The following STK32B variants were observed in gnomAD, a reference collection of about 807,000 sequenced individuals.
The protein encoded by STK32B is serine/threonine kinase 32B.
A neutral mutation model predicts 52.6 loss-of-function variants in STK32B; 43 were observed. The observed-to-expected ratio is 0.82, with a 90% CI of 0.64 to 1.05. The LOEUF (loss-of-function observed/expected upper bound fraction) is 1.05, where lower values mean the gene tolerates loss of function less well. Among genes scored for constraint, STK32B ranks in the 50% least tolerant of loss-of-function variants. The probability of loss-of-function intolerance (pLI) is 0.00; values close to 1 mark genes in which losing one functional copy is unlikely to be tolerated. For missense variants in STK32B, 621 were observed against 534.6 expected (o/e 1.16, Z -1.59); for synonymous variants, 238 against 204.3 (o/e 1.17, Z -1.41).
chr4:5,376,787 T>C (rs1014221380), intron 4 of STK32B, among the ~76,000 whole-genome samples: 3 of 152,154 alleles, frequency 2.0e-5, no homozygotes, highest in African/African-American at 7.2e-5. Context: ...TTAGAAATTC[T>C]ACAGTGGCTT....
intron 1 of STK32B, among the ~76,000 whole-genome samples, chr4:5,063,409 C>A (rs1391516949): frequency 6.6e-6 from 1 of 152,080 alleles, no homozygotes; most frequent in Non-Finnish European, 1.5e-5. Context: ...GTGGTGCGAT[C>A]TTGGCTCACT....
chr4:5,108,368 A>C (rs1348800648), intron 1 of STK32B, among the ~76,000 whole-genome samples: 3 of 151,938 alleles, frequency 2.0e-5, no homozygotes, highest in Non-Finnish European at 4.4e-5. Context: ...TTGGATATTC[A>C]TTTTGGAGGG....
intron 3 of STK32B, among the ~76,000 whole-genome samples, chr4:5,232,310 C>A (rs1189776475): frequency 6.6e-6 from 1 of 152,118 alleles, no homozygotes; most frequent in Non-Finnish European, 1.5e-5. Context: ...TAAATAAGAT[C>A]TAAGAGCATG....
At chr4:5,472,620 T>G (rs1717929253) in intron 11 of STK32B, among the ~76,000 whole-genome samples, 1 of 152,196 alleles carries the variant, frequency 6.6e-6, no homozygotes, top group Admixed American at 6.5e-5. Flanking sequence ...TTTTGCAGAA[T>G]AAGAAGCTCC....
intron 1 of STK32B, among the ~76,000 whole-genome samples, chr4:5,054,581 C>T (rs1467243955): frequency 6.6e-6 from 1 of 152,118 alleles, no homozygotes; most frequent in Non-Finnish European, 1.5e-5. Context: ...AAAAGATGAA[C>T]CCTGAATGCC....
At chr4:5,066,749 T>A (rs1487176849) in intron 1 of STK32B, among the ~76,000 whole-genome samples, 1 of 152,204 alleles carries the variant, frequency 6.6e-6, no homozygotes, top group African/African-American at 2.4e-5. Context: ...TCTTTCAGTT[T>A]TGAAAAAGTT....
At chr4:5,446,572 A>C (rs544438155) in intron 6 of STK32B, 101 bp from the exon 7 acceptor site, 204 of 1,097,616 alleles carry the variant, frequency 1.9e-4, no homozygotes, top group Non-Finnish European at 2.3e-4. Flanking sequence ...AAAACAAAAA[A>C]AAAAAAAACA....
chr4:5,235,864 A>T (rs948371774), intron 3 of STK32B, among the ~76,000 whole-genome samples: 4 of 152,222 alleles, frequency 2.6e-5, no homozygotes, highest in Non-Finnish European at 5.9e-5. Context: ...GTAGACACAT[A>T]GGAGAGGAGA....
At chr4:5,151,038 A>G (rs1717323113) in intron 2 of STK32B, among the ~76,000 whole-genome samples, 1 of 152,160 alleles carries the variant, frequency 6.6e-6, no homozygotes, top group South Asian at 2.1e-4. Context: ...GTGTGGCCTC[A>G]AGATTTTCAA....
At chr4:5,112,222 G>C (rs1376984271) in intron 1 of STK32B, among the ~76,000 whole-genome samples, 4 of 152,134 alleles carry the variant, frequency 2.6e-5, no homozygotes, top group African/African-American at 7.2e-5. Flanking sequence ...AGATGGGTGG[G>C]GGTGTCTGCT....
At chr4:5,455,614 AAACCCAGG>A (rs1451978217) in intron 7 of STK32B, among the ~76,000 whole-genome samples, 1 of 152,164 alleles carries the variant, frequency 6.6e-6, no homozygotes, top group Non-Finnish European at 1.5e-5. Flanking sequence ...TGGAAACCCC[AAACCCAGG>A]GACCAAGGTG....
chr4:5,128,323 C>T (rs1323626423), intron 1 of STK32B, among the ~76,000 whole-genome samples: 3 of 152,158 alleles, frequency 2.0e-5, no homozygotes, highest in Non-Finnish European at 4.4e-5. Context: ...ATGCATAAGG[C>T]GGTGTTTGCT....
intron 7 of STK32B, among the ~76,000 whole-genome samples, chr4:5,454,728 T>C (rs922676710): frequency 1.3e-5 from 2 of 152,090 alleles, no homozygotes; most frequent in African/African-American, 4.8e-5. Flanking sequence ...TGTGAAATGG[T>C]CATGTTAACA....
At chr4:5,454,046 C>T (rs1716272247) in intron 7 of STK32B, among the ~76,000 whole-genome samples, 1 of 152,148 alleles carries the variant, frequency 6.6e-6, no homozygotes, top group South Asian at 2.1e-4. Context: ...CCCATAGATT[C>T]CCTCCCCAGC....
chr4:5,099,455 C>CGCGTGCGCGCGCACAT (rs1165243773), intron 1 of STK32B, among the ~76,000 whole-genome samples: 1 of 36,572 alleles, frequency 2.7e-5, no homozygotes, highest in African/African-American at 1.7e-4. Flanking sequence ...TGTGTGCGCG[C>CGCGTGCGCGCGCACAT]GCGCGTATGT....
intron 1 of STK32B, among the ~76,000 whole-genome samples, chr4:5,138,295 A>G (rs1410103863): frequency 1.3e-5 from 2 of 152,190 alleles, no homozygotes; most frequent in Non-Finnish European, 2.9e-5. Context: ...ATTATCCTCC[A>G]TTGCATAAGT....
rs535229669 is a variant in STK32B, at chr4:5,348,960, T to C, written c.434+17567T>C. Among the ~76,000 whole-genome samples, 3 of 152,268 alleles carry C rather than the reference T, an allele frequency of 2.0e-5. No homozygotes were observed. The East Asian group carries it at 5.8e-4, about 29-fold the overall frequency. ...CCATCACAGCAGGTACCCACCCACA[T>C]GTGCCACCTGTAGGTCTGAGGGCTG... On this transcript the variant is annotated intron_variant, in intron 4 of 11. Transcript: ENST00000282908.
In STK32B at chr4:5,136,625, C is replaced by A. The variant is rs147463494; in HGVS notation, c.53-3280C>A. The stretch of plus-strand genomic sequence containing the variant: ...AGGACAAGATGGTCACCCAAAGAAA[C>A]CACTCTTCAACCCTCTCACACCCCC... On this transcript the variant is annotated intron_variant, in intron 1 of 11. Transcript: ENST00000282908. Among the ~76,000 whole-genome samples the A allele has an allele frequency of 7.2e-5, 11 of 152,288 alleles. No individual in the cohort carries two copies. In the East Asian group the frequency reaches 2.1e-3, roughly 29 times the overall value.
chr4:5,391,869 T>A (rs1179649181), intron 4 of STK32B, among the ~76,000 whole-genome samples: 2 of 152,356 alleles, frequency 1.3e-5, no homozygotes, highest in East Asian at 3.9e-4. Flanking sequence ...GCGGTTATCA[T>A]TAATGACCTT....
Sources: gnomAD v4.1 joint callset for allele counts (sites outside exome capture counted in the v4.1 genomes callset) on GRCh38, gnomAD v4.1.1 for gene constraint, MANE v1.5 for transcripts, NCBI Gene and HGNC (gene_info 2026-07-23, HGNC 2026-07-21) for gene names.